Variants in SYCE1 observed in about 807,000 individuals in gnomAD.
The protein encoded by SYCE1 is synaptonemal complex central element protein 1.
Under a neutral mutation model 55.1 loss-of-function variants are expected in SYCE1, and 37 were observed. That is an observed-to-expected ratio of 0.67 (90% CI 0.52 to 0.88). SYCE1 has a LOEUF of 0.88. SYCE1 is among the 40% of genes least tolerant of loss of function. The pLI is 0.00. For missense variants in SYCE1, 399 were observed against 416.4 expected (o/e 0.96, Z 0.36); for synonymous variants, 163 against 159.4 (o/e 1.02, Z -0.17).
intron 1 of SYCE1, among the ~76,000 whole-genome samples, chr10:133,562,941 G>A (rs1377776021): frequency 6.7e-6 from 1 of 148,708 alleles, no homozygotes. Context: ...ACATATTTGG[G>A]TGAGGACACA....
At chr10:133,558,391 G>T in intron 4 of SYCE1, 177 bp from the exon 5 acceptor site, 1 of 679,322 alleles carries the variant, frequency 1.5e-6, no homozygotes, top group Non-Finnish European at 2.6e-6. Flanking sequence ...GCACCAAAGG[G>T]CCTTCACATT....
chr10:133,566,763 A>G (rs1360221421), upstream of SYCE1, among the ~76,000 whole-genome samples: 1 of 150,568 alleles, frequency 6.6e-6, no homozygotes, highest in African/African-American at 2.4e-5. Flanking sequence ...GTTAGGGGTT[A>G]CAGTTTAGGG....
At chr10:133,568,203 C>T (rs1174333868), upstream of SYCE1, 41 of 1,138,712 alleles carry the variant, frequency 3.6e-5, no homozygotes, top group African/African-American at 3.5e-4. Context: ...CTGTAGATGC[C>T]GAGCCGGTCC....
At chr10:133,567,414 T>G (rs933600824), upstream of SYCE1, among the ~76,000 whole-genome samples, 2 of 150,386 alleles carry the variant, frequency 1.3e-5, no homozygotes, top group African/African-American at 2.5e-5. Flanking sequence ...TTAAGGGTTA[T>G]GGTTAAGGGT....
At chr10:133,560,274 A>C in intron 1 of SYCE1, 121 bp from the exon 2 acceptor site, 1 of 754,470 alleles carries the variant, frequency 1.3e-6, no homozygotes, top group Non-Finnish European at 2.2e-6. Context: ...TCTTGTCCTG[A>C]GGTGGACAGT....
upstream of SYCE1, among the ~76,000 whole-genome samples, chr10:133,567,452 G>T (rs371579791): frequency 1.4e-4 from 21 of 152,078 alleles, 1 homozygote; most frequent in African/African-American, 5.1e-4. Flanking sequence ...GTTAGGGGTA[G>T]GGGTTGTGCT....
intron 1 of SYCE1, chr10:133,564,352 G>C: frequency 2.0e-6 from 2 of 978,072 alleles, no homozygotes; most frequent in Non-Finnish European, 2.4e-6. Flanking sequence ...AGGCATTTCT[G>C]TTGTAGCAGT....
At chr10:133,565,726 C>A, upstream of SYCE1, 1 of 577,078 alleles carries the variant, frequency 1.7e-6, no homozygotes, top group Non-Finnish European at 2.9e-6. Flanking sequence ...GCTACAAACG[C>A]GGCGGGAAGC....
At chr10:133,559,432 C>T in intron 2 of SYCE1, 72 bp from the exon 3 acceptor site, 1 of 1,453,360 alleles carries the variant, frequency 6.9e-7, no homozygotes, top group Non-Finnish European at 9.7e-7. Flanking sequence ...TGTGTCTCTG[C>T]TGCTTTCACG....
intron 1 of SYCE1, among the ~76,000 whole-genome samples, chr10:133,563,769 C>T (rs1851866464): frequency 6.6e-6 from 1 of 151,264 alleles, no homozygotes; most frequent in African/African-American, 2.4e-5. Context: ...TTTGGTCCCA[C>T]CTGAAATCTT....
At chr10:133,560,876 T>C (rs1030781744) in intron 1 of SYCE1, 1 of 152,222 alleles carries the variant, frequency 6.6e-6, no homozygotes, top group Non-Finnish European at 1.5e-5. Context: ...TCAGTCATCC[T>C]TCTTCTTACT....
intron 2 of SYCE1, chr10:133,559,788 G>A: frequency 2.2e-6 from 1 of 448,880 alleles, no homozygotes; most frequent in Non-Finnish European, 4.1e-6. Context: ...TAGCGGGTGA[G>A]GGGGAAGGAA....
At chr10:133,559,044 G>C (rs1394182389) in intron 3 of SYCE1, 93 bp from the exon 4 acceptor site, 17 of 1,321,474 alleles carry the variant, frequency 1.3e-5, no homozygotes, top group Admixed American at 2.4e-5. Context: ...TAAATCTATA[G>C]TGGCCTAGAT....
upstream of SYCE1, among the ~76,000 whole-genome samples, chr10:133,565,935 C>T (rs972503688): frequency 3.3e-5 from 5 of 152,250 alleles, no homozygotes; most frequent in African/African-American, 1.2e-4. Flanking sequence ...GGCGCTGTGG[C>T]CCTGGCAGCC....
intron 1 of SYCE1, among the ~76,000 whole-genome samples, chr10:133,563,121 C>T (rs919692440): frequency 5.3e-5 from 8 of 151,708 alleles, no homozygotes; most frequent in African/African-American, 2.0e-4. Context: ...TGTTTCCAAA[C>T]GTGTTTATCT....
At position 133,555,685 on chromosome 10, in the gene SYCE1, T is replaced by G; in HGVS notation, c.742A>C (p.Arg248=). 1 of 1,605,122 alleles carries G rather than the reference T, an allele frequency of 6.2e-7. No individual in the cohort carries two copies. The highest frequency in any genetic ancestry group is 1.7e-5 in the Admixed American group (1 of 60,026). Reference sequence around the variant, plus strand: ...GCTGCTAGGAGCTCCTCAGCCTTCCTGTGCTCTTCCTGAAACAGCTGCCTG... The same window carrying G: ...GCTGCTAGGAGCTCCTCAGCCTTCCGGTGCTCTTCCTGAAACAGCTGCCTG... ...ATVQLFQEEH[R]KAEELLAAAA... Residue 248 remains arginine, a synonymous_variant, in exon 11 of 13, where the codon AGG becomes CGG. Coordinates refer to ENST00000343131, the MANE Select transcript of SYCE1 (RefSeq NM_001143764.3).
intron 3 of SYCE1, 142 bp from the exon 4 acceptor site, chr10:133,559,093 C>T (rs10857749): frequency 0.11 from 110,489 of 1,006,376 alleles, 7,134 homozygotes; most frequent in East Asian, 0.27. Flanking sequence ...CTCTCCTTGC[C>T]AGGCTCTGCT....
At chr10:133,557,271 T>C (rs1851707994) in intron 6 of SYCE1, 115 bp from the exon 7 acceptor site, 2 of 808,798 alleles carry the variant, frequency 2.5e-6, no homozygotes, top group South Asian at 3.0e-5. Context: ...TTAAGGTCCT[T>C]CTCTGTAACA....
At chr10:133,556,959 C>G (rs978204232) in intron 7 of SYCE1, 108 bp downstream of exon 7, 8 of 1,478,742 alleles carry the variant, frequency 5.4e-6, no homozygotes, top group Non-Finnish European at 7.6e-6. Flanking sequence ...ATCTTCACCA[C>G]CTTGAATCTC....
Sources: gnomAD v4.1 joint callset for allele counts (sites outside exome capture counted in the v4.1 genomes callset) on GRCh38, gnomAD v4.1.1 for gene constraint, MANE v1.5 for transcripts, NCBI Gene and HGNC (gene_info 2026-07-23, HGNC 2026-07-21) for gene names.